CIMAP2: variants seen among roughly 807,000 people sequenced by gnomAD.
CIMAP2 encodes the protein ciliary microtubule-associated protein 2.
At chr1:54,820,663 A>G in the CIMAP2 span, among the ~76,000 whole-genome samples, 5 of 151,956 alleles carry the variant, frequency 3.3e-5, no homozygotes, top group East Asian at 7.7e-4. Context: ...TGGGGTTTTG[A>G]TTTGCATTTC....
the CIMAP2 span, among the ~76,000 whole-genome samples, chr1:54,829,557 T>C: frequency 2.6e-5 from 4 of 152,240 alleles, no homozygotes; most frequent in Non-Finnish European, 5.9e-5. Flanking sequence ...CACTGACTGA[T>C]TCATTTGAAA....
the CIMAP2 span, among the ~76,000 whole-genome samples, chr1:54,806,420 C>T: frequency 2.0e-5 from 3 of 152,332 alleles, no homozygotes; most frequent in Middle Eastern, 3.4e-3. Flanking sequence ...GTGCTCTTCC[C>T]TGCCCAGGGT....
the CIMAP2 span, chr1:54,814,848 T>G: frequency 6.2e-7 from 1 of 1,604,816 alleles, no homozygotes; most frequent in Non-Finnish European, 8.5e-7. Flanking sequence ...AGCCCTCACC[T>G]GCCCTGGGCC....
At chr1:54,809,076 A>C in the CIMAP2 span, among the ~76,000 whole-genome samples, 1 of 47,916 alleles carries the variant, frequency 2.1e-5, no homozygotes, top group Non-Finnish European at 4.9e-5. Context: ...CCTGGCACAC[A>C]TAGGCACGCA....
chr1:54,817,193 G>C, the CIMAP2 span: 1 of 1,580,566 alleles, frequency 6.3e-7, no homozygotes, highest in South Asian at 1.1e-5. Flanking sequence ...TGGGCTGGTG[G>C]TTCCCCATGT....
the CIMAP2 span, among the ~76,000 whole-genome samples, chr1:54,828,487 A>AG: frequency 1.3e-5 from 2 of 152,126 alleles, no homozygotes; most frequent in South Asian, 4.2e-4. Flanking sequence ...ATGTGCCACC[A>AG]CACCTGGCCA....
chr1:54,810,551 C>T, the CIMAP2 span, among the ~76,000 whole-genome samples: 16 of 152,312 alleles, frequency 1.1e-4, no homozygotes, highest in African/African-American at 1.7e-4. Context: ...TGACTCCCCA[C>T]GCAGAGGTCC....
At chr1:54,806,091 G>T in the CIMAP2 span, 25 of 1,501,354 alleles carry the variant, frequency 1.7e-5, no homozygotes, top group African/African-American at 3.6e-4. Context: ...TGGCAGCAGC[G>T]GAGGCGGGCA....
the CIMAP2 span, among the ~76,000 whole-genome samples, chr1:54,816,179 C>T: frequency 6.6e-6 from 1 of 152,238 alleles, no homozygotes; most frequent in Non-Finnish European, 1.5e-5. Flanking sequence ...TGACCGCACC[C>T]CACAGGGCGG....
the CIMAP2 span, among the ~76,000 whole-genome samples, chr1:54,822,661 GC>G: frequency 1.3e-5 from 2 of 152,058 alleles, no homozygotes; most frequent in Non-Finnish European, 2.9e-5. Context: ...ACATCACCAT[GC>G]CCAAGTAATT....
chr1:54,806,298 C>A, the CIMAP2 span: 2 of 1,364,104 alleles, frequency 1.5e-6, no homozygotes, highest in Non-Finnish European at 1.9e-6. Context: ...CGCTTGGCCT[C>A]GGGAGAGAGG....
At chr1:54,841,508 T>C in the CIMAP2 span, 1 of 1,554,398 alleles carries the variant, frequency 6.4e-7, no homozygotes, top group Non-Finnish European at 8.7e-7. Flanking sequence ...CAGGGTTGGG[T>C]TAGATAATTT....
At chr1:54,811,940 T>C in the CIMAP2 span, 3 of 1,613,954 alleles carry the variant, frequency 1.9e-6, no homozygotes, top group Non-Finnish European at 2.5e-6. Flanking sequence ...AGGTACCCCC[T>C]CGGCTGGCCA....
At chr1:54,837,874 T>G in the CIMAP2 span, among the ~76,000 whole-genome samples, 2 of 149,840 alleles carry the variant, frequency 1.3e-5, no homozygotes, top group African/African-American at 4.9e-5. Flanking sequence ...GTCCCTAATC[T>G]ATACAGATCA....
chr1:54,821,886 CTTTTTTTTTTT>C, the CIMAP2 span, among the ~76,000 whole-genome samples: 27 of 66,588 alleles, frequency 4.1e-4, no homozygotes, highest in African/African-American at 1.2e-3. Flanking sequence ...CCTCTTATTT[CTTTTTTTTTTT>C]TTTTTTTTTT....
At chr1:54,810,675 G>C in the CIMAP2 span, among the ~76,000 whole-genome samples, 3 of 152,222 alleles carry the variant, frequency 2.0e-5, no homozygotes, top group Non-Finnish European at 2.9e-5. Flanking sequence ...AAGGTGCAGA[G>C]CAGCAGAAAA....
the CIMAP2 span, among the ~76,000 whole-genome samples, chr1:54,809,514 T>A: frequency 6.6e-6 from 1 of 152,204 alleles, no homozygotes; most frequent in African/African-American, 2.4e-5. Context: ...ATGACAACCC[T>A]ATGAAGCAGG....
chr1:54,813,489 C>G, the CIMAP2 span, among the ~76,000 whole-genome samples: 1 of 152,160 alleles, frequency 6.6e-6, no homozygotes, highest in African/African-American at 2.4e-5. Context: ...ATCGTTCCTG[C>G]TTAGAATAGT....
the CIMAP2 span, among the ~76,000 whole-genome samples, chr1:54,821,897 T>TAAATAGGAGTGCTGATAGTGGGCATCC: frequency 3.5e-3 from 285 of 80,676 alleles, 1 homozygote; most frequent in Middle Eastern, 7.6e-3. Context: ...TTTTTTTTTT[T>TAAATAGGAGTGCTGATAGTGGGCATCC]TTTTTTTTTT....
Sources: gnomAD v4.1 joint callset for allele counts (sites outside exome capture counted in the v4.1 genomes callset) on GRCh38, gnomAD v4.1.1 for gene constraint, MANE v1.5 for transcripts, NCBI Gene and HGNC (gene_info 2026-07-23, HGNC 2026-07-21) for gene names.